NBPF20: variants seen among roughly 807,000 people sequenced by gnomAD.
NBPF20 encodes NBPF member 20.
Under a neutral mutation model 68.1 loss-of-function variants are expected in NBPF20, and 90 were observed. The ratio of observed to expected loss-of-function variants is 1.32; its 90% CI spans 1.11 to 1.58. NBPF20 has a LOEUF of 1.58. NBPF20 is among the 40% of genes most tolerant of loss of function. NBPF20 has a pLI of 0.00. For missense variants in NBPF20, 816 were observed against 601.2 expected (o/e 1.36, Z -3.74); for synonymous variants, 290 against 228.1 (o/e 1.27, Z -2.45).
At chr1:145,405,744 C>CAAT (rs1238103042), upstream of NBPF20, 1 of 453,064 alleles carries the variant, frequency 2.2e-6, no homozygotes, top group Non-Finnish European at 3.9e-6. Flanking sequence ...GTGACAATGC[C>CAAT]ACAGACCCGT....
intron 9 of NBPF20, among the ~76,000 whole-genome samples, chr1:145,393,542 G>A (rs1157023206): frequency 2.0e-4 from 31 of 151,788 alleles, no homozygotes; most frequent in African/African-American, 6.5e-4. Context: ...GGAGTCAAAG[G>A]ACACTCTGTA....
exon 6 of NBPF20, chr1:145,400,555 G>C (rs1240332795): frequency 1.2e-6 from 2 of 1,612,576 alleles, no homozygotes; most frequent in African/African-American, 2.7e-5. Flanking sequence ...CCTCCTGTGA[G>C]TCCTCAGGGA....
At chr1:145,411,388 T>C in the NBPF20 span, among the ~76,000 whole-genome samples, 1 of 90,786 alleles carries the variant, frequency 1.1e-5, no homozygotes. Context: ...TTGACTTTCC[T>C]TTTTTTTTTT....
intron 9 of NBPF20, among the ~76,000 whole-genome samples, 172 bp from the exon 15 acceptor site, chr1:145,393,418 A>T (rs1156681055): frequency 6.6e-6 from 1 of 150,974 alleles, no homozygotes; most frequent in East Asian, 2.0e-4. Context: ...CCAGGTAGAA[A>T]AGGATGAAAG....
chr1:145,334,829 G>T (rs1489761541), intron 83 of NBPF20, among the ~76,000 whole-genome samples, 198 bp from the exon 89 acceptor site: 1 of 138,834 alleles, frequency 7.2e-6, no homozygotes, highest in Non-Finnish European at 1.7e-5. Context: ...GACAGGGAGA[G>T]GGAGGGAGAG....
At chr1:145,291,672 C>A (rs781885292) in exon 138 of NBPF20, 3 of 1,611,878 alleles carry the variant, frequency 1.9e-6, no homozygotes, top group East Asian at 2.2e-5. Context: ...TGGAATGAGT[C>A]AGGTAGTTCA....
the NBPF20 span, among the ~76,000 whole-genome samples, chr1:145,425,330 CCGGCCTGGCG>C: frequency 1.3e-5 from 2 of 151,822 alleles, no homozygotes; most frequent in Non-Finnish European, 2.9e-5. Context: ...CACCGCCCGC[CCGGCCTGGCG>C]CGGCGCCTTC....
exon 5 of NBPF20, chr1:145,401,107 T>C: frequency 1.9e-6 from 3 of 1,607,358 alleles, no homozygotes; most frequent in Non-Finnish European, 1.7e-6. Flanking sequence ...AACTTGAACA[T>C]CTTCATCGTC....
At position 145,291,363 on chromosome 1, in the gene NBPF20, A is replaced by C. The variant is rs1353869856; in HGVS notation, c.*163T>G. On this transcript the variant is annotated 3_prime_UTR_variant, in exon 138 of 138. Transcript: ENST00000369373. Reference sequence around the variant, plus strand: ...ACGTGGGTCCATTGTCTTCAGACTGAGCACAGGTTGCCACTGGCATGGTTT... The same window carrying C: ...ACGTGGGTCCATTGTCTTCAGACTGCGCACAGGTTGCCACTGGCATGGTTT... 169 of 1,503,934 alleles carry C rather than the reference A, an allele frequency of 1.1e-4. 2 individuals are homozygous for C. The South Asian group carries it at 1.1e-3, about 10-fold the overall frequency. 93.2% of individuals were successfully genotyped at this position (1,503,934 alleles called of 1,614,324 possible).
chr1:145,424,671 G>C, the NBPF20 span, among the ~76,000 whole-genome samples: 1 of 152,188 alleles, frequency 6.6e-6, no homozygotes, highest in Non-Finnish European at 1.5e-5. Flanking sequence ...TAACTCTTCG[G>C]AGAAAGGACG....
At chr1:145,404,474 G>C (rs1397905433) in intron 2 of NBPF20, among the ~76,000 whole-genome samples, 1 of 152,136 alleles carries the variant, frequency 6.6e-6, no homozygotes, top group African/African-American at 2.4e-5. Flanking sequence ...GCCCAGGCTA[G>C]TCTCAAACTC....
At chr1:145,400,940 C>T in intron 5 of NBPF20, 119 bp downstream of exon 10, 2 of 1,240,322 alleles carry the variant, frequency 1.6e-6, no homozygotes, top group South Asian at 2.4e-5. Flanking sequence ...TTATATTTCA[C>T]ATACTGTGGC....
At chr1:145,291,556 C>T (rs782354600) in exon 138 of NBPF20, 25 of 1,612,014 alleles carry the variant, frequency 1.6e-5, no homozygotes, top group Non-Finnish European at 1.9e-5. Flanking sequence ...CCATCTGGAA[C>T]ACCAGGTGGA....
exon 138 of NBPF20, chr1:145,291,004 AG>A (rs1661029232): frequency 5.6e-6 from 1 of 177,120 alleles, no homozygotes; most frequent in Admixed American, 5.6e-5. Flanking sequence ...AAAGGAGCCT[AG>A]CGGGTTAACA....
intron 14 of NBPF20, 29 bp downstream of exon 19, chr1:145,389,915 C>A (rs111518902): frequency 1.7e-5 from 1 of 58,930 alleles, no homozygotes; most frequent in Non-Finnish European, 2.6e-5. Context: ...CTCAGTGGAT[C>A]CTTATCACCT....
chr1:145,306,290 C>T (rs1661407070), intron 119 of NBPF20, among the ~76,000 whole-genome samples: 1 of 149,064 alleles, frequency 6.7e-6, no homozygotes, highest in Admixed American at 6.7e-5. Context: ...CACACACACA[C>T]ACACACACAG....
intron 9 of NBPF20, among the ~76,000 whole-genome samples, chr1:145,393,485 A>T (rs1253569834): frequency 6.6e-6 from 1 of 151,132 alleles, no homozygotes; most frequent in South Asian, 2.1e-4. Flanking sequence ...ACACACACAC[A>T]CACACAGAGC....
intron 7 of NBPF20, among the ~76,000 whole-genome samples, chr1:145,397,388 G>T (rs1460390134): frequency 1.1e-4 from 16 of 152,342 alleles, no homozygotes; most frequent in African/African-American, 3.8e-4. Flanking sequence ...CCCACCAACA[G>T]TGTAAAAGTG....
intron 136 of NBPF20, 134 bp from the exon 142 acceptor site, chr1:145,292,623 A>G: frequency 1.3e-6 from 1 of 744,016 alleles, no homozygotes; most frequent in Non-Finnish European, 2.4e-6. Flanking sequence ...GATATATTTC[A>G]GGAGGCCTGA....
Sources: allele counts gnomAD v4.1 joint callset (sites outside exome capture counted in the v4.1 genomes callset), GRCh38; gene constraint gnomAD v4.1.1; transcripts MANE v1.5; gene names NCBI Gene and HGNC (gene_info 2026-07-23, HGNC 2026-07-21).